Variants in EFNA5 observed in about 807,000 individuals in gnomAD.
The protein encoded by EFNA5 is ephrin-A5.
In EFNA5, 5 loss-of-function variants were observed where a neutral mutation model predicts 22.9. That is an observed-to-expected ratio of 0.22 (90% CI 0.11 to 0.46). EFNA5 has a LOEUF of 0.46. EFNA5 is among the 20% of genes least tolerant of loss of function. The probability of loss-of-function intolerance (pLI) is 0.99; values close to 1 mark genes in which losing one functional copy is unlikely to be tolerated. For missense variants in EFNA5, 237 were observed against 293.3 expected, an observed-to-expected ratio of 0.81 and a Z score of 1.40; for synonymous variants, 113 against 112.2, an observed-to-expected ratio of 1.01 and a Z score of -0.04.
chr5:107,496,003 TC>T (rs1746969623), intron 1 of EFNA5, among the ~76,000 whole-genome samples: 1 of 151,694 alleles, frequency 6.6e-6, no homozygotes, highest in South Asian at 2.1e-4. Context: ...TTTCTGTCCT[TC>T]CTCTAACGTC....
In EFNA5 at chr5:107,480,251, A is replaced by C. The variant is rs556812229; in HGVS notation, c.126-52742T>G. Among the ~76,000 whole-genome samples, 4 of 152,358 alleles carry C rather than the reference A, an allele frequency of 2.6e-5. No individual in the cohort carries two copies. The South Asian group carries it at 8.3e-4, about 32-fold the overall frequency. Reference sequence around the variant, plus strand: ...AATACTCACATTCAATTTTTCCATAAATCAATGTATTGCTAAAACAGTATA... The same window carrying C: ...AATACTCACATTCAATTTTTCCATACATCAATGTATTGCTAAAACAGTATA... On this transcript the variant is annotated intron_variant, in intron 1 of 4. Coordinates refer to ENST00000333274, the MANE Select transcript of EFNA5 (RefSeq NM_001962.3).
At chr5:107,662,773 G>A (rs1333057232) in intron 1 of EFNA5, among the ~76,000 whole-genome samples, 1 of 138,888 alleles carries the variant, frequency 7.2e-6, no homozygotes, top group African/African-American at 2.7e-5. Flanking sequence ...GAAAGATTCC[G>A]GGTAGACTTG....
chr5:107,499,706 G>GTTA (rs1747087606), intron 1 of EFNA5, among the ~76,000 whole-genome samples: 1 of 152,174 alleles, frequency 6.6e-6, no homozygotes, highest in Admixed American at 6.5e-5. Flanking sequence ...TAGAGCTGCA[G>GTTA]TTAGCAGGGT....
intron 2 of EFNA5, among the ~76,000 whole-genome samples, chr5:107,395,539 T>C (rs1019859544): frequency 4.6e-5 from 7 of 152,206 alleles, no homozygotes; most frequent in Admixed American, 4.6e-4. Flanking sequence ...TTCTTATATA[T>C]TTTACTATTT....
intron 1 of EFNA5, among the ~76,000 whole-genome samples, chr5:107,508,369 A>G (rs1747295040): frequency 6.6e-6 from 1 of 152,336 alleles, no homozygotes; most frequent in East Asian, 1.9e-4. Context: ...AGCTCTCTGG[A>G]TAATTATTCA....
At chr5:107,627,635 C>CA (rs758660866) in intron 1 of EFNA5, among the ~76,000 whole-genome samples, 1,862 of 71,198 alleles carry the variant, frequency 0.026, 27 homozygotes, top group Middle Eastern at 0.051. Flanking sequence ...GACCACATCT[C>CA]AAAAAAAAAA....
chr5:107,496,366 A>AAC (rs1746987454), intron 1 of EFNA5, among the ~76,000 whole-genome samples: 1 of 151,424 alleles, frequency 6.6e-6, no homozygotes, highest in African/African-American at 2.4e-5. Flanking sequence ...AAAAAACAAA[A>AAC]AACAACAACT....
intron 1 of EFNA5, among the ~76,000 whole-genome samples, chr5:107,661,937 T>G (rs1241202325): frequency 6.6e-6 from 1 of 152,178 alleles, no homozygotes; most frequent in African/African-American, 2.4e-5. Context: ...AAAAATACTT[T>G]CATTTACTTT....
rs570435765 is a variant in EFNA5, at chr5:107,593,559, C to T, written c.125+76930G>A. On this transcript the variant is annotated intron_variant, in intron 1 of 4. Transcript: ENST00000333274. ...CCACGCTGGCTGCACATCAGAATCA[C>T]CTAGGGAGCTTTCAAAACCACCAAC... 1.5e-4 allele frequency among the ~76,000 whole-genome samples: 23 copies of T among 152,248 alleles called. No individual in the cohort carries two copies. The South Asian group carries it at 3.1e-3, about 21-fold the overall frequency.
chr5:107,477,900 A>G (rs1750355123), intron 1 of EFNA5, among the ~76,000 whole-genome samples: 1 of 152,172 alleles, frequency 6.6e-6, no homozygotes, highest in South Asian at 2.1e-4. Flanking sequence ...CTTGGTTTTG[A>G]AACTCACTTT....
intron 1 of EFNA5, among the ~76,000 whole-genome samples, chr5:107,429,679 C>T (rs192692775): frequency 1.1e-4 from 16 of 152,250 alleles, no homozygotes; most frequent in African/African-American, 2.6e-4. Context: ...TGAGAACCTG[C>T]CTTGCTGGCC....
chr5:107,623,848 T>C (rs187940851), intron 1 of EFNA5, among the ~76,000 whole-genome samples: 3 of 152,160 alleles, frequency 2.0e-5, no homozygotes, highest in Non-Finnish European at 2.9e-5. Flanking sequence ...TAAAGACTTA[T>C]AGGATTTTAA....
chr5:107,566,328 T>C (rs1016348605), intron 1 of EFNA5, among the ~76,000 whole-genome samples: 5 of 149,972 alleles, frequency 3.3e-5, no homozygotes, highest in Non-Finnish European at 7.3e-5. Flanking sequence ...TTTGATTAAT[T>C]TGTGGCATTC....
intron 1 of EFNA5, among the ~76,000 whole-genome samples, chr5:107,609,127 A>G (rs1749776715): frequency 6.8e-6 from 1 of 146,958 alleles, no homozygotes; most frequent in South Asian, 2.1e-4. Flanking sequence ...TGGCTGTTAA[A>G]TTAAGTAAGA....
intron 2 of EFNA5, among the ~76,000 whole-genome samples, chr5:107,401,494 TAAA>T (rs1343808219): frequency 1.3e-5 from 2 of 152,174 alleles, no homozygotes; most frequent in Non-Finnish European, 2.9e-5. Flanking sequence ...AGAAACAACT[TAAA>T]AGTTTGAAGA....
intron 1 of EFNA5, among the ~76,000 whole-genome samples, chr5:107,659,475 GTTTGAGT>G (rs1361396478): frequency 1.4e-5 from 2 of 142,388 alleles, no homozygotes; most frequent in Non-Finnish European, 3.1e-5. Context: ...GCTGCTAAAA[GTTTGAGT>G]TTTTTGGGTT....
chr5:107,410,266 G>A (rs1417559646), intron 2 of EFNA5, among the ~76,000 whole-genome samples: 1 of 151,956 alleles, frequency 6.6e-6, no homozygotes, highest in Non-Finnish European at 1.5e-5. Flanking sequence ...TCCTGATCTT[G>A]TGATCTGCCT....
At chr5:107,658,092 T>C (rs901123999) in intron 1 of EFNA5, among the ~76,000 whole-genome samples, 5 of 152,184 alleles carry the variant, frequency 3.3e-5, no homozygotes, top group African/African-American at 4.8e-5. Context: ...CCAAGTCTTT[T>C]ATAACTCCAT....
intron 1 of EFNA5, among the ~76,000 whole-genome samples, chr5:107,639,975 T>A (rs1316148522): frequency 6.6e-6 from 1 of 152,216 alleles, no homozygotes; most frequent in Non-Finnish European, 1.5e-5. Context: ...GTGTCACTTA[T>A]GAAAAACTGA....
Sources: gnomAD v4.1 joint callset for allele counts (sites outside exome capture counted in the v4.1 genomes callset) on GRCh38, gnomAD v4.1.1 for gene constraint, MANE v1.5 for transcripts, NCBI Gene and HGNC (gene_info 2026-07-23, HGNC 2026-07-21) for gene names.